The following SART3 variants were observed in gnomAD, a reference collection of about 807,000 sequenced individuals.
SART3 encodes spliceosome associated factor 3, U4/U6 recycling protein.
A neutral mutation model predicts 122.3 loss-of-function variants in SART3; 44 were observed. That is an observed-to-expected ratio of 0.36 (90% confidence interval 0.28 to 0.46). The LOEUF (loss-of-function observed/expected upper bound fraction) is 0.46. SART3 is among the 20% of genes least tolerant of loss of function. The pLI is 1.00. For synonymous variants in SART3, 442 were observed against 454.0 expected (o/e 0.97, Z 0.34); for missense variants, 1,101 against 1,229.0 (o/e 0.90, Z 1.56).
At chr12:108,524,647 C>A in intron 17 of SART3, 141 bp from the exon 18 acceptor site, 1 of 722,894 alleles carries the variant, frequency 1.4e-6, no homozygotes, top group African/African-American at 1.7e-5. Context: ...GTTACCTTCC[C>A]CACCACCGCA....
At chr12:108,541,957 C>T (rs866415305) in intron 6 of SART3, among the ~76,000 whole-genome samples, 1 of 149,300 alleles carries the variant, frequency 6.7e-6, no homozygotes, top group African/African-American at 2.5e-5. Context: ...ACCTTCGCCT[C>T]TGGAGAAGCT....
chr12:108,537,146 T>C (rs1172037215), intron 9 of SART3: 3 of 427,342 alleles, frequency 7.0e-6, no homozygotes, highest in Admixed American at 7.3e-5. Context: ...CGGGGGGACA[T>C]GAAGGGGCAA....
At chr12:108,550,311 G>A (rs551335495) in intron 1 of SART3, among the ~76,000 whole-genome samples, 21 of 152,126 alleles carry the variant, frequency 1.4e-4, no homozygotes, top group Admixed American at 8.5e-4. Flanking sequence ...GCAGAAATAC[G>A]GGAACTACGA....
chr12:108,558,862 T>C (rs929466951), intron 1 of SART3, among the ~76,000 whole-genome samples: 2 of 151,794 alleles, frequency 1.3e-5, no homozygotes, highest in African/African-American at 2.4e-5. Flanking sequence ...TGAAACCCCA[T>C]CTCTACTAAA....
In SART3 at chr12:108,526,409, G is replaced by C. The variant is rs769420617; in HGVS notation, c.2060C>G (p.Ser687Cys). The C allele has an allele frequency of 6.2e-7, 1 of 1,614,030 alleles. No homozygotes were observed. Among genetic ancestry groups the C allele is most frequent in the African/African-American group, 1.3e-5 (1 of 74,944 alleles). The change falls in exon 16 of 19, where the codon TCC becomes TGC. Residue 687 changes from serine (S) to cysteine (C), a missense_variant. By Grantham distance (112) the Ser-to-Cys change is moderately radical (BLOSUM62 -1). Coordinates refer to ENST00000546815, the MANE Select transcript of SART3 (RefSeq NM_014706.4). The part of the protein sequence containing the change: ...PPSKQKEKAA[S>C]LKRDMPKVLH... ...CACCTTGGGCATGTCCCTCTTCAGG[G>C]AGGCTGCCTTCTCCTTCTGCTTCGA...
In SART3 at chr12:108,526,316, G is replaced by A; in HGVS notation, c.2153C>T (p.Pro718Leu). 5 of 1,614,176 alleles carry A rather than the reference G, an allele frequency of 3.1e-6. No individual in the cohort carries two copies. The highest frequency in any genetic ancestry group is 3.4e-6 in the Non-Finnish European group (4 of 1,180,036). The change falls in exon 16 of 19, where the codon CCG becomes CTG. Residue 718 changes from proline (P) to leucine (L), a missense_variant. Around this residue, in one of 2 missense-constraint regions of SART3, gnomAD observed 885 missense variants for 1,080.1 expected, o/e 0.82. Coordinates refer to ENST00000546815, the MANE Select transcript of SART3 (RefSeq NM_014706.4). ...VSNLPYSMQE[P>L]DTKLRPLFEA... ...GAAGAGTGGCCTGAGCTTCGTGTCC[G>A]GCTCCTGCATGCTGTAGGGCAGGTT... is the stretch of plus-strand genomic sequence containing the variant.
intron 6 of SART3, 108 bp downstream of exon 6, chr12:108,542,920 T>C: frequency 7.1e-7 from 1 of 1,409,238 alleles, no homozygotes; most frequent in Non-Finnish European, 1.0e-6. Flanking sequence ...ATTTATACAC[T>C]CTATATATTT....
chr12:108,523,825 T>C (rs1254928017), intron 18 of SART3, 191 bp from the exon 19 acceptor site: 1 of 646,894 alleles, frequency 1.5e-6, no homozygotes, highest in African/African-American at 1.8e-5. Flanking sequence ...TTGGCCTTGT[T>C]CAGTTTTGGC....
Position 108,530,328 on chromosome 12 carries a change from T to C in SART3, c.1747-18A>G, listed in dbSNP as rs1420816587. 1 of 1,613,714 alleles carries C rather than the reference T, an allele frequency of 6.2e-7. No homozygotes were observed. Among genetic ancestry groups the C allele is most frequent in the South Asian group, 1.1e-5 (1 of 91,086 alleles). On this transcript the variant is annotated intron_variant, in intron 14 of 18. Coordinates refer to ENST00000546815, the MANE Select transcript of SART3 (RefSeq NM_014706.4). ...TCTGCAGCCTAGAAAAGTGGGAAGA[T>C]GATGCATCGCTGGATGTGGCAATTA...
chr12:108,530,081 G>A (rs1872595199), intron 15 of SART3, 61 bp downstream of exon 15: 13 of 1,581,504 alleles, frequency 8.2e-6, no homozygotes, highest in Non-Finnish European at 1.1e-5. Flanking sequence ...TCTTCATACT[G>A]TATTCGCAAC....
At position 108,546,560 on chromosome 12, in the gene SART3, G is replaced by A. The variant is rs537920488; in HGVS notation, c.545-1237C>T. On this transcript the variant is annotated intron_variant, in intron 3 of 18. Coordinates refer to ENST00000546815, the MANE Select transcript of SART3 (RefSeq NM_014706.4). ...TTTTGAGACAGAGTCTCACTTTGTC[G>A]CCAAGGCTGGAGTACAGTGGCACAA... Among the ~76,000 whole-genome samples the A allele has an allele frequency of 1.2e-4, 17 of 143,836 alleles. 1 individual carries two copies. The highest frequency in any genetic ancestry group is 6.5e-4 in the South Asian group (3 of 4,588). The allele number at this position is 143,836 out of a possible 152,430, so 94.4% of individuals were successfully genotyped here. A position where few individuals can be genotyped will look rare whatever the true frequency, so the allele number is the denominator to read the frequency against.
intron 4 of SART3, chr12:108,544,933 G>A (rs962025566): frequency 1.9e-5 from 12 of 636,584 alleles, no homozygotes; most frequent in South Asian, 7.5e-5. Flanking sequence ...AAATTTATAC[G>A]ACCTCTTCCA....
rs141223246 is a variant in SART3, at chr12:108,532,881, G to A, written c.1557-547C>T. On this transcript the variant is annotated intron_variant, in intron 12 of 18. Transcript: ENST00000546815. ...CAATTCTCCTGCTTCAGCCTCCTGA[G>A]TAGCTGGGATTACAGGTGCCCACCA... 9.5e-4 allele frequency among the ~76,000 whole-genome samples: 145 copies of A among 152,158 alleles called. 2 individuals are homozygous for A. Among genetic ancestry groups the A allele is most frequent in the South Asian group, 7.3e-3 (35 of 4,820 alleles).
Position 108,526,188 on chromosome 12 carries a change from G to C in SART3, c.2281C>G (p.Gln761Glu). Residue 761 changes from glutamine to glutamate, a missense_variant, in exon 16 of 19, where the codon CAG (glutamine) becomes GAG (glutamate). Gln to Glu is a conservative substitution (Grantham distance 29). Around this residue, in one of 2 missense-constraint regions of SART3, gnomAD observed 885 missense variants for 1,080.1 expected, o/e 0.82. Transcript: ENST00000546815. ...VEFKEEKSAL[Q>E]ALEMDRKSVE... ...CTTTTCCGGTCCATCTCCAGTGCCT[G>C]AAGGGCTGATTTCTCTTCTTTAAAC... 1 of 1,614,216 alleles carries C rather than the reference G, an allele frequency of 6.2e-7. No individual in the cohort carries two copies. The highest frequency in any genetic ancestry group is 8.5e-7 in the Non-Finnish European group (1 of 1,180,034).
intron 1 of SART3, among the ~76,000 whole-genome samples, chr12:108,556,190 C>G (rs1016881): frequency 0.54 from 82,569 of 151,842 alleles, 24,227 homozygotes; most frequent in Non-Finnish European, 0.66. Flanking sequence ...TTCCCAGGCT[C>G]AAGTGATCCT....
Position 108,538,958 on chromosome 12 carries a change from T to C in SART3, c.1038A>G (p.Leu346=), listed in dbSNP as rs149104453. 2.1e-5 allele frequency: 34 copies of C among 1,614,054 alleles called. No homozygotes were observed. The highest frequency in any genetic ancestry group is 2.7e-5 in the Non-Finnish European group (32 of 1,180,034). ...ALVENCLVPD[L]WIRYSQYLDR... is the part of the protein sequence containing the mutation. Reference sequence around the variant, plus strand: ...CTAGGTACTGACTGTAACGGATCCATAAGTCTGGGACAAGGCAGTTCTCGA... The same window carrying C: ...CTAGGTACTGACTGTAACGGATCCACAAGTCTGGGACAAGGCAGTTCTCGA... The change falls in exon 7 of 19, where the codon TTA becomes TTG. Residue 346 remains leucine (L), a synonymous_variant. Transcript: ENST00000546815.
intron 1 of SART3, among the ~76,000 whole-genome samples, chr12:108,559,139 A>G (rs1347787413): frequency 2.0e-5 from 3 of 152,112 alleles, no homozygotes; most frequent in Non-Finnish European, 4.4e-5. Flanking sequence ...AGCTATACCA[A>G]TGGATGACAT....
At chr12:108,523,967 GGAT>G in intron 18 of SART3, 4 of 552,768 alleles carry the variant, frequency 7.2e-6, no homozygotes, top group Non-Finnish European at 1.3e-5. Flanking sequence ...CAGCTTATGT[GGAT>G]CATAGCTAGG....
intron 11 of SART3, among the ~76,000 whole-genome samples, chr12:108,536,158 T>A (rs970139836): frequency 1.3e-5 from 2 of 152,234 alleles, no homozygotes; most frequent in Non-Finnish European, 2.9e-5. Flanking sequence ...ATTTTATCTG[T>A]CTTATTCCCA....
Sources: gnomAD v4.1 joint callset for allele counts (sites outside exome capture counted in the v4.1 genomes callset) on GRCh38, gnomAD v4.1.1 for gene constraint, gnomAD v4.1.1 regional missense constraint, MANE v1.5 for transcripts, NCBI Gene and HGNC (gene_info 2026-07-23, HGNC 2026-07-21) for gene names.